KIF9: variants seen among roughly 807,000 people sequenced by gnomAD.
KIF9 encodes the protein kinesin family member 9.
A neutral mutation model predicts 94.8 loss-of-function variants in KIF9; 68 were observed. That is an observed-to-expected ratio of 0.72 (90% CI 0.59 to 0.88). KIF9 has a LOEUF of 0.88. KIF9 is among the 40% of genes least tolerant of loss of function. The pLI, the probability that KIF9 is intolerant of heterozygous loss-of-function variation, is 0.00. For synonymous variants in KIF9, 343 were observed against 362.1 expected (o/e 0.95, Z 0.60); for missense variants, 882 against 982.5 (o/e 0.90, Z 1.37).
chr3:47,247,610 T>C, intron 11 of KIF9, 133 bp from the exon 12 acceptor site: 1 of 691,988 alleles, frequency 1.4e-6, no homozygotes, highest in Non-Finnish European at 2.6e-6. Context: ...GCTCCTTCCC[T>C]TCATCATCGG....
intron 4 of KIF9, 97 bp downstream of exon 4, chr3:47,273,454 TG>T: frequency 1.1e-6 from 1 of 879,678 alleles, no homozygotes. Context: ...CTTTGAGGCC[TG>T]GTCCCCACTG....
intron 20 of KIF9, among the ~76,000 whole-genome samples, chr3:47,233,317 G>A (rs896533977): frequency 1.8e-4 from 26 of 141,498 alleles, no homozygotes; most frequent in Admixed American, 8.1e-4. Context: ...AGCCAAGACT[G>A]TGCCACTGCA....
intron 9 of KIF9, among the ~76,000 whole-genome samples, chr3:47,260,582 T>C (rs1006310161): frequency 1.3e-5 from 2 of 152,146 alleles, no homozygotes; most frequent in African/African-American, 4.8e-5. Context: ...AGTGTAGAAG[T>C]GTGGTTGCTC....
chr3:47,242,283 T>C (rs114643802), intron 16 of KIF9, among the ~76,000 whole-genome samples: 1 of 152,322 alleles, frequency 6.6e-6, no homozygotes, highest in Non-Finnish European at 1.5e-5. Context: ...CTTTGAGAAC[T>C]CTGGTTAATG....
rs79465769 is a variant in KIF9, at chr3:47,229,658, A to T, written c.2323-956T>A. ...TAAACATTAAAAATGGCCAACACAG[A>T]GAATTATAGAGATTGGGGAATGAGA... is the stretch of plus-strand genomic sequence containing the variant. On this transcript the variant is annotated intron_variant, in intron 20 of 20. Coordinates refer to ENST00000684063, the MANE Select transcript of KIF9 (RefSeq NM_182902.4). Among the ~76,000 whole-genome samples, 1,121 of 152,324 alleles carry T rather than the reference A, an allele frequency of 7.4e-3. 17 individuals are homozygous for T. The highest frequency in any genetic ancestry group is 0.026 in the African/African-American group (1,063 of 41,578).
At chr3:47,250,584 C>T (rs1282784254) in intron 10 of KIF9, 6 of 489,442 alleles carry the variant, frequency 1.2e-5, no homozygotes, top group Admixed American at 4.0e-5. Context: ...CTCACACAAG[C>T]GTATGAACAC....
At chr3:47,244,406 T>G (rs1699787004) in intron 15 of KIF9, 2 of 169,262 alleles carry the variant, frequency 1.2e-5, no homozygotes, top group East Asian at 1.6e-4. Flanking sequence ...CCTAGTGAAG[T>G]GAGGGGAGGG....
chr3:47,257,558 T>C lies in KIF9; in HGVS notation c.984A>G (p.Leu328=), dbSNP rs779525863. The C allele has an allele frequency of 8.1e-6, 13 of 1,613,262 alleles. No homozygotes were observed. Among genetic ancestry groups the C allele is most frequent in the South Asian group, 4.4e-5 (4 of 91,076 alleles). The change falls in exon 10 of 21, where the codon CTA becomes CTG. Residue 328 remains leucine (L), a splice_region_variant and synonymous_variant. Coordinates refer to ENST00000684063, the MANE Select transcript of KIF9 (RefSeq NM_182902.4). ...YGEAAQLEET[L]SSLRFASRMK... is the part of the protein sequence containing the mutation. ...TCCTGCTGGCAAATCTCAGTGAAGATAGCTGCAAAACAGAGCAGGTAGACA... is the reference window on the plus strand; with the variant it reads ...TCCTGCTGGCAAATCTCAGTGAAGACAGCTGCAAAACAGAGCAGGTAGACA...
intron 16 of KIF9, among the ~76,000 whole-genome samples, chr3:47,242,673 T>C (rs1256926394): frequency 1.3e-5 from 2 of 152,178 alleles, no homozygotes; most frequent in Non-Finnish European, 2.9e-5. Flanking sequence ...TTCCTTAGGA[T>C]AGATCCTTAA....
At position 47,245,972 on chromosome 3, in the gene KIF9, A is replaced by G; in HGVS notation, c.1289+225T>C. 14 of 535,876 alleles carry G rather than the reference A, an allele frequency of 2.6e-5. No individual in the cohort carries two copies. In the South Asian group the frequency reaches 3.5e-4, roughly 13 times the overall value. 33.2% of individuals were successfully genotyped at this position (535,876 alleles called of 1,614,324 possible). A position where few individuals can be genotyped will look rare whatever the true frequency, so the allele number is the denominator to read the frequency against. On this transcript the variant is annotated intron_variant, in intron 13 of 20. Coordinates refer to ENST00000684063, the MANE Select transcript of KIF9 (RefSeq NM_182902.4). ...AATATTCACAAGGTGAATATTCACA[A>G]TGCCCTGCTCTGGGCACTCTCAGAG...
chr3:47,228,494 G>A lies in KIF9; in HGVS notation c.*158C>T. 3 of 696,012 alleles carry A rather than the reference G, an allele frequency of 4.3e-6. No homozygotes were observed. In the South Asian group the frequency reaches 5.1e-5, roughly 12 times the overall value. The allele number at this position is 696,012 out of a possible 1,614,324, so 43.1% of individuals were successfully genotyped here. The stretch of plus-strand genomic sequence containing the variant: ...GTGGAGATGAGCAAGGTTGTCCTTG[G>A]AGGATGCTCCTCCCAACATGCAGGC... On this transcript the variant is annotated 3_prime_UTR_variant, in exon 21 of 21. Transcript: ENST00000684063.
At position 47,240,978 on chromosome 3, in the gene KIF9, C is replaced by A. The variant is rs1202892533; in HGVS notation, c.1747G>T (p.Glu583Ter). The change falls in exon 17 of 21, where the codon GAG becomes TAG. Residue 583 changes from glutamate to a stop codon, truncating the protein, a stop_gained. Transcript: ENST00000684063. LOFTEE classifies it high-confidence loss of function. ...TCACTACCTTGCTCATTCTTAAACT[C>A]CTCAAAGGCCACTGGTTTGGAGGGT... is the stretch of plus-strand genomic sequence containing the variant. ...TPPSKPVAFE[E>*]FKNEQGSEIN... 9 of 1,614,074 alleles carry A rather than the reference C, an allele frequency of 5.6e-6. No individual in the cohort carries two copies. The highest frequency in any genetic ancestry group is 7.6e-6 in the Non-Finnish European group (9 of 1,180,050).
intron 4 of KIF9, among the ~76,000 whole-genome samples, chr3:47,272,694 T>C (rs1701722481): frequency 6.6e-6 from 1 of 152,190 alleles, no homozygotes; most frequent in Admixed American, 6.5e-5. Context: ...CATCTGTTTA[T>C]TTTTACTTTT....
intron 1 of KIF9, among the ~76,000 whole-genome samples, chr3:47,278,622 A>G (rs1040683998): frequency 4.6e-5 from 7 of 152,130 alleles, no homozygotes; most frequent in African/African-American, 1.7e-4. Flanking sequence ...TGAGGCCAGG[A>G]GTTTGAAACC....
intron 1 of KIF9, chr3:47,280,978 C>T (rs958972203): frequency 1.6e-5 from 11 of 702,914 alleles, no homozygotes; most frequent in East Asian, 5.4e-5. Context: ...ACCATTCTTA[C>T]GTCGCTTCAT....
intron 15 of KIF9, 87 bp downstream of exon 15, chr3:47,244,704 G>T: frequency 6.7e-7 from 1 of 1,500,376 alleles, no homozygotes; most frequent in Non-Finnish European, 9.2e-7. Flanking sequence ...TGAGACACCA[G>T]GGGGAAAGTG....
chr3:47,275,319 A>C lies in KIF9; in HGVS notation c.259+6T>G. On this transcript the variant is annotated splice_donor_region_variant and intron_variant, in intron 3 of 20. Transcript: ENST00000684063. ...ACATAAGACAACATTTAATTAATTA[A>C]GTTACCATTATAGCCATCGAGGGCC... 6.3e-7 allele frequency: 1 copy of C among 1,590,326 alleles called. No homozygotes were observed. Among genetic ancestry groups the C allele is most frequent in the Admixed American group, 1.9e-5 (1 of 53,422 alleles).
chr3:47,234,795 A>C (rs900032076), intron 20 of KIF9, among the ~76,000 whole-genome samples: 13 of 150,378 alleles, frequency 8.6e-5, no homozygotes, highest in Non-Finnish European at 1.8e-4. Flanking sequence ...ACCTCAAGTG[A>C]TCCACCCACC....
At chr3:47,255,586 A>C (rs1010596935) in intron 10 of KIF9, among the ~76,000 whole-genome samples, 2 of 152,172 alleles carry the variant, frequency 1.3e-5, no homozygotes, top group Non-Finnish European at 1.5e-5. Flanking sequence ...CAAATGTGAC[A>C]AGGCATCAGA....
Sources: allele counts gnomAD v4.1 joint callset (sites outside exome capture counted in the v4.1 genomes callset), GRCh38; gene constraint gnomAD v4.1.1; transcripts MANE v1.5; gene names NCBI Gene and HGNC (gene_info 2026-07-23, HGNC 2026-07-21).